The following NAA11 variants were observed in gnomAD, a reference collection of about 807,000 sequenced individuals.
The protein encoded by NAA11 is N-alpha-acetyltransferase 11.
In NAA11, 15 loss-of-function variants were observed where a neutral mutation model predicts 16.1. That is an observed-to-expected ratio of 0.93 (90% CI 0.62 to 1.44). The LOEUF (loss-of-function observed/expected upper bound fraction) is 1.44. NAA11 is among the 40% of genes most tolerant of loss of function. The pLI, the probability that NAA11 is intolerant of heterozygous loss-of-function variation, is 0.00. For synonymous variants in NAA11, 122 were observed against 112.4 expected (o/e 1.09, Z -0.54); for missense variants, 298 against 291.3 (o/e 1.02, Z -0.17).
At chr4:79,266,438 C>T (rs937434986) in intron 2 of NAA11, among the ~76,000 whole-genome samples, 13 of 152,242 alleles carry the variant, frequency 8.5e-5, no homozygotes, top group South Asian at 4.1e-4. Context: ...TGAAGAGAGA[C>T]AAAAGAAACC....
At chr4:79,303,942 T>G (rs1357298294) in intron 1 of NAA11, among the ~76,000 whole-genome samples, 2 of 152,196 alleles carry the variant, frequency 1.3e-5, no homozygotes, top group African/African-American at 2.4e-5. Context: ...GTTTTTAATA[T>G]ATGATTGTTT....
the NAA11 span, among the ~76,000 whole-genome samples, chr4:79,188,951 G>A: frequency 6.6e-6 from 1 of 151,722 alleles, no homozygotes; most frequent in Non-Finnish European, 1.5e-5. Flanking sequence ...CTTGTGAAGG[G>A]CCGAGCGCAG....
chr4:79,161,652 A>G, the NAA11 span, among the ~76,000 whole-genome samples: 2 of 151,426 alleles, frequency 1.3e-5, no homozygotes, highest in African/African-American at 2.4e-5. Context: ...TAATCCATGT[A>G]TGTGGGATAT....
At chr4:79,261,359 A>G (rs1722240774) in intron 2 of NAA11, among the ~76,000 whole-genome samples, 1 of 152,164 alleles carries the variant, frequency 6.6e-6, no homozygotes, top group Non-Finnish European at 1.5e-5. Flanking sequence ...TACTATTTCA[A>G]TAGGCAACAG....
intron 2 of NAA11, among the ~76,000 whole-genome samples, chr4:79,260,218 G>A (rs915644386): frequency 3.9e-5 from 6 of 152,176 alleles, no homozygotes; most frequent in Non-Finnish European, 8.8e-5. Flanking sequence ...CATACATTGT[G>A]TGACTGTTGG....
Position 79,325,281 on chromosome 4 carries a change from G to A in NAA11, c.597C>T (p.Thr199=), listed in dbSNP as rs145580127. Residue 199 remains threonine (T), a synonymous_variant, in exon 1 of 2, where the codon ACC becomes ACT. Transcript: ENST00000286794. ...EEACQQKNPA[T]EESGSDSKEP... Reference sequence around the variant, plus strand: ...CTTTGCTGTCACTGCCACTTTCTTCGGTAGCCGGGTTCTTTTGCTGACAGG... The same window carrying A: ...CTTTGCTGTCACTGCCACTTTCTTCAGTAGCCGGGTTCTTTTGCTGACAGG... 1.9e-6 allele frequency: 3 copies of A among 1,613,698 alleles called. No homozygotes were observed. Among genetic ancestry groups the A allele is most frequent in the African/African-American group, 2.7e-5 (2 of 75,000 alleles).
the NAA11 span, among the ~76,000 whole-genome samples, chr4:79,164,838 A>G: frequency 6.6e-6 from 1 of 152,230 alleles, no homozygotes; most frequent in Non-Finnish European, 1.5e-5. Flanking sequence ...AAGATTAGCA[A>G]TGGCATCTCG....
chr4:79,324,235 T>C (rs1170777592), intron 1 of NAA11, among the ~76,000 whole-genome samples: 2 of 152,214 alleles, frequency 1.3e-5, no homozygotes, highest in Non-Finnish European at 2.9e-5. Context: ...GCTATAATTA[T>C]TTCTGTATGT....
the NAA11 span, among the ~76,000 whole-genome samples, chr4:79,200,265 AACTC>A: frequency 6.6e-6 from 1 of 151,890 alleles, no homozygotes; most frequent in African/African-American, 2.4e-5. Flanking sequence ...ATACCTAAAA[AACTC>A]AGAAGAATAC....
At chr4:79,158,698 GATATATATATAT>G in the NAA11 span, among the ~76,000 whole-genome samples, 7 of 112,108 alleles carry the variant, frequency 6.2e-5, no homozygotes, top group Non-Finnish European at 1.1e-4. Context: ...CACATTACCT[GATATATATATAT>G]ATATATATAT....
At chr4:79,192,185 G>T in the NAA11 span, among the ~76,000 whole-genome samples, 9 of 151,886 alleles carry the variant, frequency 5.9e-5, no homozygotes, top group Non-Finnish European at 1.2e-4. Context: ...GGTTCCATAT[G>T]AATTTCAAAA....
At chr4:79,238,194 A>G (rs1046782350) in intron 2 of NAA11, among the ~76,000 whole-genome samples, 1 of 152,218 alleles carries the variant, frequency 6.6e-6, no homozygotes, top group East Asian at 1.9e-4. Flanking sequence ...CATTGGGAAT[A>G]CTGATGAAGA....
chr4:79,187,030 TTGTC>T, the NAA11 span, among the ~76,000 whole-genome samples: 6 of 152,234 alleles, frequency 3.9e-5, no homozygotes, highest in African/African-American at 9.6e-5. Flanking sequence ...TGCATATTCT[TTGTC>T]TGGCTCTAAT....
chr4:79,252,770 G>A (rs1722024096), intron 2 of NAA11, among the ~76,000 whole-genome samples: 1 of 152,174 alleles, frequency 6.6e-6, no homozygotes, highest in Non-Finnish European at 1.5e-5. Context: ...GAAGTGGAAA[G>A]AGATGATGTT....
chr4:79,247,625 C>A (rs1355668221), intron 2 of NAA11, among the ~76,000 whole-genome samples: 1 of 152,024 alleles, frequency 6.6e-6, no homozygotes, highest in East Asian at 1.9e-4. Flanking sequence ...GACTGGCGCA[C>A]TCCAAGCAGA....
the NAA11 span, among the ~76,000 whole-genome samples, chr4:79,157,498 T>C: frequency 1.3e-5 from 2 of 151,726 alleles, no homozygotes; most frequent in East Asian, 1.9e-4. Flanking sequence ...TATACACACA[T>C]ATATATGTAT....
At chr4:79,194,741 C>T in the NAA11 span, among the ~76,000 whole-genome samples, 7 of 152,198 alleles carry the variant, frequency 4.6e-5, no homozygotes, top group African/African-American at 1.4e-4. Context: ...TTAATAAACA[C>T]TTTTCATAAT....
intron 2 of NAA11, among the ~76,000 whole-genome samples, chr4:79,264,140 C>A (rs1444411756): frequency 6.6e-6 from 1 of 152,170 alleles, no homozygotes; most frequent in Non-Finnish European, 1.5e-5. Flanking sequence ...TAAAGTACAA[C>A]CATGAACCAT....
intron 2 of NAA11, among the ~76,000 whole-genome samples, chr4:79,245,733 C>T (rs1196642890): frequency 6.6e-6 from 1 of 151,160 alleles, no homozygotes; most frequent in Non-Finnish European, 1.5e-5. Context: ...GTTGGGGGCG[C>T]CCCCGCCCGG....
Sources: gnomAD v4.1 joint callset for allele counts (sites outside exome capture counted in the v4.1 genomes callset) on GRCh38, gnomAD v4.1.1 for gene constraint, MANE v1.5 for transcripts, NCBI Gene and HGNC (gene_info 2026-07-23, HGNC 2026-07-21) for gene names.